NXPE4: variants seen among roughly 807,000 people sequenced by gnomAD.
NXPE4 encodes the protein neurexophilin and PC-esterase domain family member 4.
In NXPE4, 42 loss-of-function variants were observed where a neutral mutation model predicts 33.3. The observed-to-expected ratio is 1.26, with a 90% CI of 0.98 to 1.63. The LOEUF (loss-of-function observed/expected upper bound fraction) is 1.63. Among genes scored for constraint, NXPE4 ranks in the 40% most tolerant of loss-of-function variants. The probability of loss-of-function intolerance (pLI) is 0.00; values close to 1 mark genes in which losing one functional copy is unlikely to be tolerated. For missense variants in NXPE4, 709 were observed against 647.6 expected (o/e 1.09, Z -1.03); for synonymous variants, 253 against 234.9 (o/e 1.08, Z -0.71).
At chr11:114,633,139 T>A in the NXPE4 span, among the ~76,000 whole-genome samples, 1 of 125,816 alleles carries the variant, frequency 7.9e-6, no homozygotes, top group East Asian at 2.3e-4. Flanking sequence ...ATTTCATATA[T>A]TATTTTATAT....
At chr11:114,603,379 T>A in the NXPE4 span, among the ~76,000 whole-genome samples, 1 of 141,008 alleles carries the variant, frequency 7.1e-6, no homozygotes, top group Non-Finnish European at 1.5e-5. Context: ...GATAAGTATT[T>A]CCTCATCTCC....
chr11:114,583,043 C>T (rs1471955250), intron 2 of NXPE4, 22 bp from the exon 3 acceptor site: 1 of 1,585,262 alleles, frequency 6.3e-7, no homozygotes, highest in African/African-American at 1.3e-5. Context: ...GCAAATGTGA[C>T]ATGAGATGGA....
chr11:114,620,686 C>A, the NXPE4 span, among the ~76,000 whole-genome samples: 1 of 150,550 alleles, frequency 6.6e-6, no homozygotes, highest in African/African-American at 2.4e-5. Flanking sequence ...TCCCAGGTAA[C>A]CACTGTTACC....
the NXPE4 span, among the ~76,000 whole-genome samples, chr11:114,646,203 T>TA: frequency 6.6e-6 from 1 of 152,068 alleles, no homozygotes; most frequent in African/African-American, 2.4e-5. Context: ...GTTTCTCTGT[T>TA]AAGTGTAATC....
chr11:114,629,006 G>A, the NXPE4 span, among the ~76,000 whole-genome samples: 2 of 152,026 alleles, frequency 1.3e-5, no homozygotes, highest in East Asian at 3.9e-4. Flanking sequence ...CCAATAACAG[G>A]CTCTGAAATT....
At chr11:114,672,512 CA>C in the NXPE4 span, among the ~76,000 whole-genome samples, 1 of 151,834 alleles carries the variant, frequency 6.6e-6, no homozygotes, top group Non-Finnish European at 1.5e-5. Flanking sequence ...ACAATCCAAT[CA>C]AAAGGCAGAA....
At chr11:114,657,279 C>T in the NXPE4 span, among the ~76,000 whole-genome samples, 14 of 152,208 alleles carry the variant, frequency 9.2e-5, no homozygotes, top group East Asian at 2.5e-3. Context: ...GGTTCTTAGC[C>T]AGGGGTCCCC....
At chr11:114,602,252 A>G in the NXPE4 span, among the ~76,000 whole-genome samples, 1 of 117,676 alleles carries the variant, frequency 8.5e-6, no homozygotes, top group Non-Finnish European at 1.6e-5. Flanking sequence ...TATACAATAT[A>G]TGTTATATAT....
the NXPE4 span, among the ~76,000 whole-genome samples, chr11:114,650,830 A>G: frequency 3.4e-5 from 5 of 147,590 alleles, no homozygotes; most frequent in Non-Finnish European, 7.6e-5. Flanking sequence ...CAAAGGCTGG[A>G]CCCGGAAAAC....
chr11:114,606,799 C>A, the NXPE4 span, among the ~76,000 whole-genome samples: 1 of 151,882 alleles, frequency 6.6e-6, no homozygotes, highest in Admixed American at 6.6e-5. Context: ...ATAGGTATTG[C>A]TTGTAGGGTA....
At chr11:114,612,008 G>A in the NXPE4 span, among the ~76,000 whole-genome samples, 4 of 151,788 alleles carry the variant, frequency 2.6e-5, no homozygotes, top group Non-Finnish European at 5.9e-5. Context: ...AATAAGTCAT[G>A]CCTCATGGGT....
At chr11:114,591,212 T>C (rs1473106671) in intron 2 of NXPE4, among the ~76,000 whole-genome samples, 1 of 152,214 alleles carries the variant, frequency 6.6e-6, no homozygotes, top group East Asian at 1.9e-4. Context: ...CTAGCTGAAC[T>C]GACAGCTCTT....
In NXPE4 at chr11:114,582,929, C is replaced by G. The variant is rs1257997202; in HGVS notation, c.189G>C (p.Lys63Asn). ...LFPKTPLISL[K>N]PLTETELRIK... ...TTCTGAGTTCAGTCTCTGTTAGTGG[C>G]TTTAATGATATCAGTGGTGTTTTAG... The change falls in exon 3 of 6, where the codon AAG (lysine) becomes AAC (asparagine). Residue 63 changes from lysine (K) to asparagine (N), a missense_variant. Physicochemically the swap from Lys to Asn is moderately conservative, Grantham distance 94 (BLOSUM62 0). Transcript: ENST00000375478. The G allele has an allele frequency of 6.2e-7, 1 of 1,614,018 alleles. No individual in the cohort carries two copies. The highest frequency in any genetic ancestry group is 1.3e-5 in the African/African-American group (1 of 74,898).
chr11:114,630,125 C>G, the NXPE4 span, among the ~76,000 whole-genome samples: 1 of 151,612 alleles, frequency 6.6e-6, no homozygotes, highest in African/African-American at 2.4e-5. Flanking sequence ...CAATGCTGTA[C>G]CCATCAAGCT....
chr11:114,638,489 T>C, the NXPE4 span, among the ~76,000 whole-genome samples: 1 of 152,080 alleles, frequency 6.6e-6, no homozygotes, highest in Non-Finnish European at 1.5e-5. Flanking sequence ...TCCGTCCAAC[T>C]TTGTTCCATT....
At chr11:114,675,562 A>T in the NXPE4 span, among the ~76,000 whole-genome samples, 11 of 151,416 alleles carry the variant, frequency 7.3e-5, no homozygotes, top group African/African-American at 9.7e-5. Flanking sequence ...AATATAGCAT[A>T]AAAAAAACCC....
At chr11:114,614,443 G>A in the NXPE4 span, among the ~76,000 whole-genome samples, 4 of 151,956 alleles carry the variant, frequency 2.6e-5, no homozygotes, top group South Asian at 2.1e-4. Flanking sequence ...TGCCTCGTGG[G>A]TAACCACTGT....
the NXPE4 span, among the ~76,000 whole-genome samples, chr11:114,607,195 T>C: frequency 6.6e-6 from 1 of 152,032 alleles, no homozygotes; most frequent in East Asian, 1.9e-4. Context: ...GTGACAATTC[T>C]TACCCTGTGG....
chr11:114,582,097 T>G (rs1949159815), intron 3 of NXPE4, among the ~76,000 whole-genome samples, 191 bp downstream of exon 3: 1 of 152,186 alleles, frequency 6.6e-6, no homozygotes, highest in African/African-American at 2.4e-5. Context: ...TTGATAAGAA[T>G]TAAATGTTCA....
Sources: allele counts gnomAD v4.1 joint callset (sites outside exome capture counted in the v4.1 genomes callset), GRCh38; gene constraint gnomAD v4.1.1; transcripts MANE v1.5; gene names NCBI Gene and HGNC (gene_info 2026-07-23, HGNC 2026-07-21).